Variants in ACTR3C observed in about 807,000 individuals in gnomAD.
ACTR3C encodes actin related protein 3C, also known as actin-related protein 3C.
A neutral mutation model predicts 26.3 loss-of-function variants in ACTR3C; 18 were observed. The ratio of observed to expected loss-of-function variants is 0.68; its 90% confidence interval spans 0.47 to 1.01. ACTR3C has a LOEUF of 1.01. Ranked by LOEUF, ACTR3C falls within the 50% of genes least tolerant of loss-of-function variation. The probability of loss-of-function intolerance (pLI) is 0.00; values close to 1 mark genes in which losing one functional copy is unlikely to be tolerated. For synonymous variants in ACTR3C, 55 were observed against 94.5 expected, an observed-to-expected ratio of 0.58 and a Z score of 2.42; for missense variants, 184 against 250.7, an observed-to-expected ratio of 0.73 and a Z score of 1.80.
chr7:150,040,345 A>C, the ACTR3C span, among the ~76,000 whole-genome samples: 2 of 147,924 alleles, frequency 1.4e-5, 1 homozygote, highest in Non-Finnish European at 3.0e-5. Flanking sequence ...CATACAATGG[A>C]AAAGGCTTTG....
chr7:150,177,152 A>G, the ACTR3C span, among the ~76,000 whole-genome samples: 1 of 150,774 alleles, frequency 6.6e-6, no homozygotes, highest in African/African-American at 2.5e-5. Flanking sequence ...ATTTTATAAA[A>G]AATAGTTACT....
chr7:150,223,554 T>C, the ACTR3C span, among the ~76,000 whole-genome samples: 2 of 151,950 alleles, frequency 1.3e-5, no homozygotes, highest in South Asian at 2.1e-4. Context: ...TTAAACTCCT[T>C]AGGTATCTAT....
the ACTR3C span, among the ~76,000 whole-genome samples, chr7:150,026,389 C>T: frequency 6.6e-6 from 1 of 152,064 alleles, no homozygotes; most frequent in African/African-American, 2.4e-5. Flanking sequence ...CGTTCCTGCT[C>T]AATAGCACTG....
the ACTR3C span, among the ~76,000 whole-genome samples, chr7:150,023,050 TCCC>T: frequency 6.6e-6 from 1 of 150,774 alleles, no homozygotes; most frequent in African/African-American, 2.4e-5. Context: ...CCACCCTATT[TCCC>T]CGAAGGTTAT....
intron 6 of ACTR3C, among the ~76,000 whole-genome samples, chr7:150,262,592 T>C (rs2129610154): frequency 6.6e-6 from 1 of 152,310 alleles, no homozygotes; most frequent in Non-Finnish European, 1.5e-5. Context: ...ATCCAGGAGA[T>C]GTGAGATAAG....
the ACTR3C span, among the ~76,000 whole-genome samples, chr7:149,903,903 GGTTGTT>G: frequency 2.3e-3 from 112 of 49,612 alleles, 8 homozygotes; most frequent in African/African-American, 4.7e-3. Flanking sequence ...TGTTGTTGCT[GGTTGTT>G]GTTGTTGTTG....
At chr7:150,253,132 G>A (rs914407475) in intron 6 of ACTR3C, among the ~76,000 whole-genome samples, 1 of 152,078 alleles carries the variant, frequency 6.6e-6, no homozygotes, top group South Asian at 2.1e-4. Flanking sequence ...CTCTGCCCAC[G>A]CCGTGTAAAG....
At chr7:150,291,156 C>T (rs970762154) in intron 3 of ACTR3C, among the ~76,000 whole-genome samples, 8 of 152,190 alleles carry the variant, frequency 5.3e-5, no homozygotes, top group African/African-American at 1.7e-4. Context: ...TTAGGCCGGG[C>T]ATAGTGGCTC....
At chr7:150,183,696 C>CAAAAAAAAAAAAAAAAAAAA in the ACTR3C span, among the ~76,000 whole-genome samples, 1 of 48,032 alleles carries the variant, frequency 2.1e-5, no homozygotes, top group Admixed American at 2.4e-4. Flanking sequence ...GTGGCTATGG[C>CAAAAAAAAAAAAAAAAAAAA]AAAAAAAAAA....
the ACTR3C span, among the ~76,000 whole-genome samples, chr7:149,932,802 C>T: frequency 6.6e-6 from 1 of 151,116 alleles, no homozygotes; most frequent in African/African-American, 2.4e-5. Flanking sequence ...TCAGAACAAC[C>T]CAGGCACCTA....
chr7:150,134,013 C>G, the ACTR3C span, among the ~76,000 whole-genome samples: 1 of 152,104 alleles, frequency 6.6e-6, no homozygotes, highest in Non-Finnish European at 1.5e-5. Context: ...GCTGGGATTA[C>G]AGGCATGAGC....
chr7:149,949,807 GACAA>G, the ACTR3C span, among the ~76,000 whole-genome samples: 3 of 147,640 alleles, frequency 2.0e-5, no homozygotes, highest in East Asian at 1.9e-4. Context: ...CAGGAGAAAT[GACAA>G]ACAAAGGCAA....
the ACTR3C span, among the ~76,000 whole-genome samples, chr7:150,138,005 A>T: frequency 3.9e-5 from 6 of 152,194 alleles, no homozygotes; most frequent in African/African-American, 1.4e-4. Flanking sequence ...CAGAGAAACA[A>T]GAACATTTGG....
At chr7:149,884,640 A>G in the ACTR3C span, among the ~76,000 whole-genome samples, 1 of 152,010 alleles carries the variant, frequency 6.6e-6, no homozygotes, top group Non-Finnish European at 1.5e-5. Context: ...CAACCCATGG[A>G]ATTCTGGGAT....
At chr7:150,241,014 T>C (rs878966155), downstream of ACTR3C, among the ~76,000 whole-genome samples, 2 of 152,036 alleles carry the variant, frequency 1.3e-5, no homozygotes, top group Non-Finnish European at 1.5e-5. Flanking sequence ...ATCTGCTACA[T>C]GAAAAATAGC....
the ACTR3C span, among the ~76,000 whole-genome samples, chr7:150,039,250 G>A: frequency 6.7e-6 from 1 of 149,060 alleles, no homozygotes. Flanking sequence ...CCAGGGGCTG[G>A]CTCTCAATCT....
At chr7:150,146,271 G>A in the ACTR3C span, among the ~76,000 whole-genome samples, 1 of 151,888 alleles carries the variant, frequency 6.6e-6, no homozygotes, top group Admixed American at 6.6e-5. Flanking sequence ...CAATTTTGCC[G>A]GTGTCAATGC....
the ACTR3C span, among the ~76,000 whole-genome samples, chr7:149,973,619 A>T: frequency 6.3e-4 from 96 of 152,202 alleles, no homozygotes; most frequent in Non-Finnish European, 1.0e-3. Context: ...TTACTGATGT[A>T]ATTAATTGAT....
At chr7:149,899,480 T>C in the ACTR3C span, among the ~76,000 whole-genome samples, 1 of 138,182 alleles carries the variant, frequency 7.2e-6, no homozygotes, top group African/African-American at 2.6e-5. Context: ...ATAACTGAAA[T>C]AAAAATCTTA....
Sources: gnomAD v4.1 joint callset for allele counts (sites outside exome capture counted in the v4.1 genomes callset) on GRCh38, gnomAD v4.1.1 for gene constraint, MANE v1.5 for transcripts, NCBI Gene and HGNC (gene_info 2026-07-23, HGNC 2026-07-21) for gene names.